The following ERC1 variants were observed in gnomAD, a reference collection of about 807,000 sequenced individuals.
ERC1 encodes ELKS/RAB6-interacting/CAST family member 1.
Under a neutral mutation model 132.0 loss-of-function variants are expected in ERC1, and 56 were observed. The ratio of observed to expected loss-of-function variants is 0.42; its 90% CI spans 0.34 to 0.53. The LOEUF is 0.53. Among genes scored for constraint, ERC1 ranks in the 20% least tolerant of loss-of-function variants. The probability of loss-of-function intolerance (pLI) is 0.03; values close to 1 mark genes in which losing one functional copy is unlikely to be tolerated. For missense variants in ERC1, 1,202 were observed against 1,349.9 expected (o/e 0.89, Z 1.72); for synonymous variants, 478 against 476.1 (o/e 1.00, Z -0.05).
At chr12:1,283,214 T>C (rs1297975731) in intron 14 of ERC1, among the ~76,000 whole-genome samples, 2 of 152,230 alleles carry the variant, frequency 1.3e-5, no homozygotes, top group Admixed American at 1.3e-4. Context: ...TTTCTGCTTA[T>C]TATGTTACTG....
At chr12:1,253,847 A>C (rs2076620239) in intron 13 of ERC1, among the ~76,000 whole-genome samples, 1 of 152,126 alleles carries the variant, frequency 6.6e-6, no homozygotes, top group Non-Finnish European at 1.5e-5. Context: ...GAGTGAAGCT[A>C]TAGTTAGGCT....
chr12:1,258,011 G>T (rs2076913358), intron 13 of ERC1, among the ~76,000 whole-genome samples: 1 of 152,150 alleles, frequency 6.6e-6, no homozygotes, highest in African/African-American at 2.4e-5. Context: ...TCACCCAGTA[G>T]CTAGTTGTTG....
At chr12:1,399,179 T>C (rs577975013) in intron 16 of ERC1, among the ~76,000 whole-genome samples, 4 of 152,098 alleles carry the variant, frequency 2.6e-5, no homozygotes, top group African/African-American at 7.2e-5. Context: ...CTCAAACTTA[T>C]AGGCTCAAGC....
chr12:1,159,811 G>A (rs1207326594), intron 8 of ERC1, among the ~76,000 whole-genome samples: 4 of 152,016 alleles, frequency 2.6e-5, no homozygotes, highest in East Asian at 1.9e-4. Flanking sequence ...TTCCGTTCAC[G>A]GCCCTTAGCT....
chr12:1,402,614 A>AACACAC lies in ERC1; in HGVS notation c.2926-5509_2926-5504dup, dbSNP rs56777839. On this transcript the variant is annotated intron_variant, in intron 16 of 18. Transcript: ENST00000360905. ...GAAAAAGAATATCTGTGTAACCCCC[A>AACACAC]ACACACACACACACACACACACACA... is the stretch of plus-strand genomic sequence containing the variant. Among the ~76,000 whole-genome samples the AACACAC allele has an allele frequency of 3.2e-3, 466 of 144,978 alleles. 3 individuals carry two copies. Among genetic ancestry groups the AACACAC allele is most frequent in the Middle Eastern group, 0.01 (3 of 288 alleles).
chr12:1,094,107 G>A (rs1264636621), intron 3 of ERC1, among the ~76,000 whole-genome samples: 21 of 138,534 alleles, frequency 1.5e-4, no homozygotes, highest in Non-Finnish European at 2.7e-4. Flanking sequence ...CAACCTCCGC[G>A]TCCCGGGTTC....
chr12:1,356,435 T>TTTTCAG (rs1449843480), intron 15 of ERC1, among the ~76,000 whole-genome samples: 3 of 151,934 alleles, frequency 2.0e-5, no homozygotes, highest in Non-Finnish European at 4.4e-5. Flanking sequence ...TGAAATAATA[T>TTTTCAG]TTTCAGTTGC....
chr12:1,353,028 CTTT>C (rs547540688), intron 15 of ERC1, among the ~76,000 whole-genome samples: 1 of 123,010 alleles, frequency 8.1e-6, no homozygotes, highest in Admixed American at 8.2e-5. Flanking sequence ...CTTTTCTTTT[CTTT>C]TTTTTTTTTT....
chr12:1,104,035 C>G (rs1453783121), intron 3 of ERC1, among the ~76,000 whole-genome samples: 1 of 151,540 alleles, frequency 6.6e-6, no homozygotes, highest in Non-Finnish European at 1.5e-5. Context: ...TTCACAGAGT[C>G]TGACAAGAAA....
At chr12:1,380,889 T>G (rs1337236477) in intron 16 of ERC1, 2 of 152,190 alleles carry the variant, frequency 1.3e-5, no homozygotes, top group Non-Finnish European at 2.9e-5. Flanking sequence ...AAAGGGAAAA[T>G]TAAATAGCAA....
chr12:1,223,848 G>A (rs2074351188), intron 12 of ERC1, among the ~76,000 whole-genome samples: 1 of 152,078 alleles, frequency 6.6e-6, no homozygotes, highest in African/African-American at 2.4e-5. Context: ...ATTAAATTCA[G>A]ATTAGTTCAG....
chr12:1,244,899 AC>A (rs1295688308), intron 13 of ERC1: 1 of 154,092 alleles, frequency 6.5e-6, no homozygotes, highest in Non-Finnish European at 1.4e-5. Context: ...TTTGCTAGTT[AC>A]GTTAAAAAGC....
intron 15 of ERC1, among the ~76,000 whole-genome samples, chr12:1,298,508 A>C (rs983371574): frequency 1.3e-5 from 2 of 148,278 alleles, no homozygotes; most frequent in African/African-American, 5.0e-5. Flanking sequence ...GCGCCACTGC[A>C]CTCCAGCCTG....
rs1226167504 is a variant in ERC1, at chr12:1,359,597, C to T, written c.2781-12236C>T. 2.0e-5 allele frequency among the ~76,000 whole-genome samples: 3 copies of T among 152,160 alleles called. No individual in the cohort carries two copies. The East Asian group carries it at 5.8e-4, about 29-fold the overall frequency. On this transcript the variant is annotated intron_variant, in intron 15 of 18. Transcript: ENST00000360905. ...CCCCGCTTCCTCGTTAACAGACCTA[C>T]CCTTACAATAATGGCATTAATCCAT...
At chr12:1,315,257 T>C (rs1201244498) in intron 15 of ERC1, among the ~76,000 whole-genome samples, 2 of 152,152 alleles carry the variant, frequency 1.3e-5, no homozygotes, top group Non-Finnish European at 2.9e-5. Context: ...CGTCAGGTGA[T>C]CCACCCACCT....
chr12:1,203,150 C>T (rs1011461347), intron 12 of ERC1, among the ~76,000 whole-genome samples: 2 of 152,220 alleles, frequency 1.3e-5, no homozygotes, highest in African/African-American at 2.4e-5. Context: ...CTCCACCTCC[C>T]TGGTTCAACC....
chr12:1,101,500 T>A (rs1944656448), intron 3 of ERC1, among the ~76,000 whole-genome samples: 1 of 152,202 alleles, frequency 6.6e-6, no homozygotes, highest in Admixed American at 6.5e-5. Flanking sequence ...TCTGTAAATA[T>A]TCATGTCCCG....
chr12:1,267,079 AT>A (rs1157025121), intron 14 of ERC1, among the ~76,000 whole-genome samples: 2 of 152,210 alleles, frequency 1.3e-5, no homozygotes, highest in Admixed American at 1.3e-4. Flanking sequence ...CTTACAGTTT[AT>A]TTATTCCTAA....
chr12:1,304,586 C>CT (rs138601532), intron 15 of ERC1, among the ~76,000 whole-genome samples: 2,829 of 152,222 alleles, frequency 0.019, 33 homozygotes, highest in South Asian at 0.043. Flanking sequence ...TCGGTTGTCT[C>CT]TGAGTTGCTA....
Sources: gnomAD v4.1 joint callset for allele counts (sites outside exome capture counted in the v4.1 genomes callset) on GRCh38, gnomAD v4.1.1 for gene constraint, MANE v1.5 for transcripts, NCBI Gene and HGNC (gene_info 2026-07-23, HGNC 2026-07-21) for gene names.